The following ITCH variants were observed in gnomAD, a reference collection of about 807,000 sequenced individuals.
The protein encoded by ITCH is E3 ubiquitin-protein ligase Itchy homolog.
A neutral mutation model predicts 126.8 loss-of-function variants in ITCH; 28 were observed. That is an observed-to-expected ratio of 0.22 (90% CI 0.16 to 0.30). The LOEUF is 0.30. Among genes scored for constraint, ITCH ranks in the 10% least tolerant of loss-of-function variants. The pLI is 1.00. For missense variants in ITCH, 631 were observed against 1,032.4 expected, an observed-to-expected ratio of 0.61 and a Z score of 5.33; for synonymous variants, 342 against 340.0, an observed-to-expected ratio of 1.01 and a Z score of -0.06.
intron 11 of ITCH, among the ~76,000 whole-genome samples, chr20:34,447,653 G>A (rs1568951935): frequency 3.3e-5 from 5 of 152,312 alleles, no homozygotes; most frequent in African/African-American, 4.8e-5. Flanking sequence ...AGTACAGTAT[G>A]TCACGTGCCA....
chr20:34,430,609 A>G (rs1478381947), intron 7 of ITCH, among the ~76,000 whole-genome samples: 1 of 152,106 alleles, frequency 6.6e-6, no homozygotes, highest in Non-Finnish European at 1.5e-5. Context: ...AGTAGCTGGG[A>G]TTACATGCGT....
At chr20:34,507,287 T>TTG (rs1990692661) in intron 24 of ITCH, among the ~76,000 whole-genome samples, 93 of 104,504 alleles carry the variant, frequency 8.9e-4, no homozygotes, top group African/African-American at 1.5e-3. Flanking sequence ...TTTTTTTTTT[T>TTG]TTGGTTGTTG....
chr20:34,507,263 G>GTTTTTT (rs776161631), intron 24 of ITCH, among the ~76,000 whole-genome samples: 70 of 39,100 alleles, frequency 1.8e-3, no homozygotes, highest in Non-Finnish European at 2.3e-3. Flanking sequence ...GTTTTCTTCT[G>GTTTTTT]TTTTTTTTTT....
Position 34,470,106 on chromosome 20 carries a change from C to A in ITCH, c.1483C>A (p.Arg495=). The A allele has an allele frequency of 6.2e-7, 1 of 1,613,500 alleles. No individual in the cohort carries two copies. The highest frequency in any genetic ancestry group is 1.1e-5 in the South Asian group (1 of 91,062). Reference sequence around the variant, plus strand: ...CTTCAAAGCAAAGGTTCAGTATTTCCGGTTCTGGTGTCAGGTTAGTATTGG... The same window carrying A: ...CTTCAAAGCAAAGGTTCAGTATTTCAGGTTCTGGTGTCAGGTTAGTATTGG... ...RDFKAKVQYF[R]FWCQQLAMPQ... is the part of the protein sequence containing the mutation. The change falls in exon 15 of 25, where the codon CGG becomes AGG. Residue 495 remains arginine, a synonymous_variant. Coordinates refer to ENST00000374864, the MANE Select transcript of ITCH (RefSeq NM_031483.7).
intron 2 of ITCH, among the ~76,000 whole-genome samples, chr20:34,381,448 A>G (rs1046457153): frequency 1.2e-4 from 18 of 147,998 alleles, no homozygotes; most frequent in Non-Finnish European, 2.5e-4. Flanking sequence ...TTTTTTTGAG[A>G]TGGAGTCTTG....
intron 10 of ITCH, among the ~76,000 whole-genome samples, chr20:34,443,338 C>T (rs1050373070): frequency 4.0e-5 from 6 of 151,620 alleles, no homozygotes; most frequent in African/African-American, 9.7e-5. Flanking sequence ...GTTGAAACCC[C>T]GTCTCTACTA....
intron 6 of ITCH, among the ~76,000 whole-genome samples, chr20:34,415,276 G>A (rs1979664915): frequency 6.6e-6 from 1 of 152,136 alleles, no homozygotes; most frequent in African/African-American, 2.4e-5. Context: ...TAGCAGGACA[G>A]GCTGGGCACA....
chr20:34,370,259 TA>T (rs1324191183), intron 2 of ITCH, among the ~76,000 whole-genome samples: 1 of 152,202 alleles, frequency 6.6e-6, no homozygotes, highest in Non-Finnish European at 1.5e-5. Context: ...TATACATCTG[TA>T]AAATAGGTAA....
intron 23 of ITCH, among the ~76,000 whole-genome samples, chr20:34,503,864 TTTTTG>T (rs1990429105): frequency 7.0e-5 from 8 of 114,688 alleles, no homozygotes; most frequent in African/African-American, 2.5e-4. Context: ...TTTTTTTTTT[TTTTTG>T]GTTTTTTTTT....
At chr20:34,496,714 A>G (rs1001837814) in intron 23 of ITCH, among the ~76,000 whole-genome samples, 2 of 151,482 alleles carry the variant, frequency 1.3e-5, no homozygotes, top group Non-Finnish European at 2.9e-5. Context: ...GAGGCAGGAG[A>G]ATCACTTGAA....
chr20:34,394,336 A>G (rs1159730680), intron 3 of ITCH, among the ~76,000 whole-genome samples: 1 of 152,056 alleles, frequency 6.6e-6, no homozygotes, highest in African/African-American at 2.4e-5. Flanking sequence ...TTTATTGTAG[A>G]ATATTCTTGG....
chr20:34,465,390 A>G (rs903168147), intron 14 of ITCH, among the ~76,000 whole-genome samples: 7 of 151,436 alleles, frequency 4.6e-5, no homozygotes, highest in African/African-American at 1.7e-4. Flanking sequence ...GAATTTTAGG[A>G]TGGATTTTTT....
At chr20:34,465,781 A>C (rs1363923882) in intron 14 of ITCH, among the ~76,000 whole-genome samples, 1 of 152,044 alleles carries the variant, frequency 6.6e-6, no homozygotes, top group East Asian at 1.9e-4. Flanking sequence ...TCCTGAATTC[A>C]CTTACTCTGG....
Position 34,363,313 on chromosome 20 carries a change from T to C in ITCH, c.-135T>C, listed in dbSNP as rs1238507428. On this transcript the variant is annotated 5_prime_UTR_variant, in exon 1 of 25. Transcript: ENST00000374864. ...GGCTCGGGACCGGCTGCCATCTTAG[T>C]CTAGGGACTGAGGAGTCGCCGCCGC... is the stretch of plus-strand genomic sequence containing the variant. The C allele has an allele frequency of 1.3e-5, 2 of 152,528 alleles. No homozygotes were observed. Among genetic ancestry groups the C allele is most frequent in the African/African-American group, 2.4e-5 (1 of 41,446 alleles). The allele number at this position is 152,528 out of a possible 1,614,324, so 9.4% of individuals were successfully genotyped here.
At chr20:34,481,582 G>T (rs1408758794) in intron 20 of ITCH, among the ~76,000 whole-genome samples, 1 of 152,084 alleles carries the variant, frequency 6.6e-6, no homozygotes. Context: ...AAAAAAAAGA[G>T]GTTTAATGGA....
At chr20:34,450,695 A>G (rs1985086848) in intron 12 of ITCH, among the ~76,000 whole-genome samples, 1 of 152,232 alleles carries the variant, frequency 6.6e-6, no homozygotes, top group African/African-American at 2.4e-5. Context: ...AGAGCTGAAG[A>G]TACTTCATAA....
In ITCH at chr20:34,509,487, T is replaced by G. The variant is rs774420165; in HGVS notation, c.*1693T>G. ...ACATCCTGGAACAACAATAAAAACA[T>G]TTTTTTAAACTTGTCTACTGTAAGA... On this transcript the variant is annotated 3_prime_UTR_variant, in exon 25 of 25. Coordinates refer to ENST00000374864, the MANE Select transcript of ITCH (RefSeq NM_031483.7). 1.3e-5 allele frequency: 2 copies of G among 152,654 alleles called. No individual in the cohort carries two copies. The highest frequency in any genetic ancestry group is 2.9e-5 in the Non-Finnish European group (2 of 68,040). The allele number at this position is 152,654 out of a possible 1,614,324, so 9.5% of individuals were successfully genotyped here. A position where few individuals can be genotyped will look rare whatever the true frequency, so the allele number is the denominator to read the frequency against.
In ITCH at chr20:34,413,738, C is replaced by G. The variant is rs765214302; in HGVS notation, c.338-4C>G. 3 of 1,593,076 alleles carry G rather than the reference C, an allele frequency of 1.9e-6. No homozygotes were observed. The highest frequency in any genetic ancestry group is 2.3e-5 in the South Asian group (2 of 87,806). ...ATTTTTTCTGTAACTTTATTTTCTT[C>G]CAGTTGAAGAAGTAGTTGTGACTTT... On this transcript the variant is annotated splice_polypyrimidine_tract_variant and splice_region_variant and intron_variant, in intron 5 of 24. Coordinates refer to ENST00000374864, the MANE Select transcript of ITCH (RefSeq NM_031483.7).
intron 4 of ITCH, among the ~76,000 whole-genome samples, chr20:34,409,854 T>A (rs1349681439): frequency 6.6e-6 from 1 of 152,062 alleles, no homozygotes; most frequent in East Asian, 1.9e-4. Flanking sequence ...ATTTTAATTT[T>A]TAAAATTAAA....
Sources: gnomAD v4.1 joint callset for allele counts (sites outside exome capture counted in the v4.1 genomes callset) on GRCh38, gnomAD v4.1.1 for gene constraint, MANE v1.5 for transcripts, NCBI Gene and HGNC (gene_info 2026-07-23, HGNC 2026-07-21) for gene names.